The following HM13 variants were observed in gnomAD, a reference collection of about 807,000 sequenced individuals.
HM13 encodes histocompatibility minor 13.
Under a neutral mutation model 50.0 loss-of-function variants are expected in HM13, and 18 were observed. The observed-to-expected ratio is 0.36, with a 90% confidence interval of 0.25 to 0.53. The LOEUF (loss-of-function observed/expected upper bound fraction) is 0.53. HM13 is among the 20% of genes least tolerant of loss of function. The pLI is 0.90. For synonymous variants in HM13, 197 were observed against 232.6 expected, an observed-to-expected ratio of 0.85 and a Z score of 1.39; for missense variants, 393 against 552.4, an observed-to-expected ratio of 0.71 and a Z score of 2.89.
At chr20:31,549,792 G>C (rs1983930406) in intron 6 of HM13, among the ~76,000 whole-genome samples, 2 of 152,178 alleles carry the variant, frequency 1.3e-5, no homozygotes, top group African/African-American at 4.8e-5. Flanking sequence ...AGCGCTGGGG[G>C]ACTTTATCAC....
chr20:31,533,263 G>A (rs1343494365), intron 2 of HM13, among the ~76,000 whole-genome samples: 1 of 152,222 alleles, frequency 6.6e-6, no homozygotes, highest in East Asian at 1.9e-4. Context: ...AACGCTTTGG[G>A]AGGCCGAGGC....
At chr20:31,524,601 T>C (rs1050641246) in intron 1 of HM13, among the ~76,000 whole-genome samples, 2 of 151,848 alleles carry the variant, frequency 1.3e-5, no homozygotes, top group Non-Finnish European at 2.9e-5. Context: ...ACCTTTCCGA[T>C]AGACAAAAAA....
At chr20:31,564,454 G>A (rs1984780611) in intron 10 of HM13, among the ~76,000 whole-genome samples, 1 of 152,128 alleles carries the variant, frequency 6.6e-6, no homozygotes, top group Non-Finnish European at 1.5e-5. Context: ...GCGCACACCT[G>A]TAGGCCCAGC....
intron 2 of HM13, among the ~76,000 whole-genome samples, chr20:31,534,305 G>T (rs370636569): frequency 5.3e-5 from 8 of 152,122 alleles, no homozygotes; most frequent in African/African-American, 1.9e-4. Context: ...CCACACAGGG[G>T]GCCATATGGG....
chr20:31,533,818 T>G (rs1343807691), intron 2 of HM13, among the ~76,000 whole-genome samples: 1 of 152,216 alleles, frequency 6.6e-6, no homozygotes, highest in African/African-American at 2.4e-5. Context: ...CACACTGAGT[T>G]TAGAATGATC....
Position 31,554,842 on chromosome 20 carries a change from G to T in HM13, c.808+13G>T. 1 of 1,609,900 alleles carries T rather than the reference G, an allele frequency of 6.2e-7. No homozygotes were observed. Among genetic ancestry groups the T allele is most frequent in the East Asian group, 2.2e-5 (1 of 44,848 alleles). On this transcript the variant is annotated intron_variant, in intron 8 of 12. Transcript: ENST00000398174. ...GTCGTCATTCCAGGTGAGCCTGCTG[G>T]TGTGGGGGCTATGTGAAAGGGGTGG... is the stretch of plus-strand genomic sequence containing the variant.
At chr20:31,560,722 C>T (rs1984554556) in intron 9 of HM13, among the ~76,000 whole-genome samples, 1 of 152,202 alleles carries the variant, frequency 6.6e-6, no homozygotes, top group Non-Finnish European at 1.5e-5. Context: ...CCTGGGCTCA[C>T]AGCATAAGCA....
At chr20:31,555,936 C>T (rs1984290158) in intron 8 of HM13, among the ~76,000 whole-genome samples, 1 of 151,812 alleles carries the variant, frequency 6.6e-6, no homozygotes, top group African/African-American at 2.4e-5. Context: ...TGCCACTGCA[C>T]TTCAGCTTGG....
At chr20:31,521,909 G>T (rs1402117315) in intron 1 of HM13, among the ~76,000 whole-genome samples, 1 of 143,440 alleles carries the variant, frequency 7.0e-6, no homozygotes, top group Non-Finnish European at 1.5e-5. Context: ...GCCCATGCTG[G>T]TCTCAAACTC....
chr20:31,558,509 C>G, intron 8 of HM13, among the ~76,000 whole-genome samples: 1 of 152,064 alleles, frequency 6.6e-6, no homozygotes, highest in Non-Finnish European at 1.5e-5. Context: ...TGCCACATCT[C>G]CTGAGCACTC....
chr20:31,521,728 CAAA>C (rs58104065), intron 1 of HM13, among the ~76,000 whole-genome samples: 5 of 89,102 alleles, frequency 5.6e-5, no homozygotes, highest in Admixed American at 1.3e-4. Context: ...GACTCCATCT[CAAA>C]AAAAAAAAAA....
At chr20:31,530,327 T>C (rs893286126) in intron 2 of HM13, among the ~76,000 whole-genome samples, 15 of 152,140 alleles carry the variant, frequency 9.9e-5, no homozygotes, top group African/African-American at 3.6e-4. Context: ...TGTTAAATTA[T>C]ATATATTTTT....
chr20:31,549,926 A>C, intron 6 of HM13, 138 bp from the exon 7 acceptor site: 1 of 710,416 alleles, frequency 1.4e-6, no homozygotes, highest in Non-Finnish European at 2.6e-6. Context: ...ACCTCACCTC[A>C]GCTTCAGATC....
chr20:31,566,366 G>A (rs1053641705), intron 11 of HM13, 71 bp downstream of exon 11: 4 of 1,265,504 alleles, frequency 3.2e-6, no homozygotes, highest in African/African-American at 1.5e-5. Flanking sequence ...GGAACCTGCT[G>A]GGGGTATCTT....
chr20:31,549,007 C>G, intron 4 of HM13, 22 bp from the exon 5 acceptor site: 1 of 1,610,716 alleles, frequency 6.2e-7, no homozygotes, highest in Non-Finnish European at 8.5e-7. Context: ...AGGGAGTGGA[C>G]TTACCTGGCC....
At chr20:31,529,081 A>G (rs1232470155) in intron 2 of HM13, among the ~76,000 whole-genome samples, 3 of 151,726 alleles carry the variant, frequency 2.0e-5, no homozygotes, top group African/African-American at 7.3e-5. Flanking sequence ...GCTCACTGCA[A>G]CCTCAATTCC....
chr20:31,520,280 G>A (rs1034195249), intron 1 of HM13, among the ~76,000 whole-genome samples: 2 of 152,020 alleles, frequency 1.3e-5, no homozygotes, highest in Admixed American at 6.6e-5. Context: ...TTCTCCAGAG[G>A]TTTTGTTTTT....
chr20:31,566,096 T>C lies in HM13; in HGVS notation c.949-114T>C, dbSNP rs1053909389. 2.6e-5 allele frequency: 19 copies of C among 743,170 alleles called. No homozygotes were observed. In the African/African-American group the frequency reaches 3.4e-4, roughly 13 times the overall value. 46.0% of individuals were successfully genotyped at this position (743,170 alleles called of 1,614,324 possible). A position where few individuals can be genotyped will look rare whatever the true frequency, so the allele number is the denominator to read the frequency against. On this transcript the variant is annotated intron_variant, in intron 10 of 12. Coordinates refer to ENST00000398174, the MANE Select transcript of HM13 (RefSeq NM_178581.3). ...AGGCCCAGCCACTGACTTGCTATGGTCCTGGACCAGTCACTGTCCTTCAGT... is the reference window on the plus strand; with the variant it reads ...AGGCCCAGCCACTGACTTGCTATGGCCCTGGACCAGTCACTGTCCTTCAGT...
chr20:31,529,177 A>G (rs908693008), intron 2 of HM13, among the ~76,000 whole-genome samples: 1 of 147,372 alleles, frequency 6.8e-6, no homozygotes, highest in African/African-American at 2.5e-5. Context: ...CAGGCTGGTA[A>G]CAAACTCCTT....
Sources: allele counts gnomAD v4.1 joint callset (sites outside exome capture counted in the v4.1 genomes callset), GRCh38; gene constraint gnomAD v4.1.1; transcripts MANE v1.5; gene names NCBI Gene and HGNC (gene_info 2026-07-23, HGNC 2026-07-21).